GLMN: variants seen among roughly 807,000 people sequenced by gnomAD.
The protein encoded by GLMN is glomulin, FKBP associated protein.
Under a neutral mutation model 87.8 loss-of-function variants are expected in GLMN, and 75 were observed. That is an observed-to-expected ratio of 0.85 (90% CI 0.71 to 1.04). The LOEUF is 1.04. Among genes scored for constraint, GLMN ranks in the 50% least tolerant of loss-of-function variants. The probability of loss-of-function intolerance (pLI) is 0.00; values close to 1 mark genes in which losing one functional copy is unlikely to be tolerated. For missense variants in GLMN, 588 were observed against 658.8 expected, an observed-to-expected ratio of 0.89 and a Z score of 1.18; for synonymous variants, 206 against 221.6, an observed-to-expected ratio of 0.93 and a Z score of 0.63.
chr1:92,282,876 G>C (rs1648249120), intron 7 of GLMN, among the ~76,000 whole-genome samples: 1 of 152,158 alleles, frequency 6.6e-6, no homozygotes, highest in African/African-American at 2.4e-5. Flanking sequence ...AGAAAATCTA[G>C]AAGAAATGGG....
chr1:92,341,166 G>A, the GLMN span, among the ~76,000 whole-genome samples: 1 of 151,824 alleles, frequency 6.6e-6, no homozygotes, highest in East Asian at 1.9e-4. Flanking sequence ...ACACCAGCAT[G>A]CCCCGCCAAT....
the GLMN span, among the ~76,000 whole-genome samples, chr1:92,367,729 C>T: frequency 1.2e-4 from 19 of 152,164 alleles, no homozygotes; most frequent in Non-Finnish European, 2.6e-4. Flanking sequence ...AACCCCAAAC[C>T]ATAGAGAAGC....
At chr1:92,351,264 G>A in the GLMN span, among the ~76,000 whole-genome samples, 8 of 130,652 alleles carry the variant, frequency 6.1e-5, no homozygotes, top group South Asian at 2.4e-4. Context: ...CCAAGATTGC[G>A]CCACTGCACT....
chr1:92,252,113 C>T (rs1328431621), intron 16 of GLMN, among the ~76,000 whole-genome samples: 1 of 152,190 alleles, frequency 6.6e-6, no homozygotes, highest in Non-Finnish European at 1.5e-5. Context: ...TACAAATATA[C>T]AATTAAGCTT....
At chr1:92,361,119 A>G in the GLMN span, among the ~76,000 whole-genome samples, 2 of 4,516 alleles carry the variant, frequency 4.4e-4, no homozygotes, top group Non-Finnish European at 7.5e-4. Context: ...ACACACACAT[A>G]TATATATATA....
intron 16 of GLMN, among the ~76,000 whole-genome samples, chr1:92,251,387 T>C (rs937172424): frequency 6.6e-6 from 1 of 151,282 alleles, no homozygotes; most frequent in African/African-American, 2.5e-5. Context: ...ACAAATAGTG[T>C]TGAGGTCAAA....
chr1:92,322,136 G>C, the GLMN span, among the ~76,000 whole-genome samples: 1 of 151,168 alleles, frequency 6.6e-6, no homozygotes, highest in Admixed American at 6.6e-5. Context: ...AGTAGAGACA[G>C]GGTTTCACTA....
At chr1:92,351,723 CAT>C in the GLMN span, among the ~76,000 whole-genome samples, 2 of 152,278 alleles carry the variant, frequency 1.3e-5, no homozygotes, top group African/African-American at 2.4e-5. Flanking sequence ...AAAGAGAAGA[CAT>C]ATAGAAGGCT....
chr1:92,333,195 G>A, the GLMN span: 1 of 523,138 alleles, frequency 1.9e-6, no homozygotes, highest in Non-Finnish European at 3.4e-6. Flanking sequence ...TCCAAAGAGG[G>A]CAAATGACTC....
chr1:92,273,571 G>A (rs1383857570), intron 7 of GLMN, among the ~76,000 whole-genome samples: 2 of 150,470 alleles, frequency 1.3e-5, no homozygotes, highest in Non-Finnish European at 3.0e-5. Context: ...TCAGTCTCCT[G>A]AGTAGCTAGG....
the GLMN span, among the ~76,000 whole-genome samples, chr1:92,318,389 C>T: frequency 6.6e-6 from 1 of 152,230 alleles, no homozygotes; most frequent in African/African-American, 2.4e-5. Flanking sequence ...CACTTAGTTA[C>T]ATATAGATTT....
the GLMN span, chr1:92,333,450 C>T: frequency 2.3e-5 from 37 of 1,613,198 alleles, no homozygotes; most frequent in East Asian, 5.4e-4. Context: ...GAAAACGCAT[C>T]GTACTTGAAA....
chr1:92,300,391 C>A, upstream of GLMN: 3 of 642,438 alleles, frequency 4.7e-6, no homozygotes, highest in South Asian at 6.0e-5. Context: ...TAAATTCTCA[C>A]ATAGACTGTT....
At chr1:92,357,059 C>G in the GLMN span, among the ~76,000 whole-genome samples, 2 of 148,282 alleles carry the variant, frequency 1.3e-5, no homozygotes. Context: ...GAGCAAGACT[C>G]TGTCTCAAAA....
intron 8 of GLMN, among the ~76,000 whole-genome samples, chr1:92,270,437 TC>T (rs985420985): frequency 6.6e-6 from 1 of 152,196 alleles, no homozygotes; most frequent in Non-Finnish European, 1.5e-5. Context: ...GAGAGAATGC[TC>T]TATTTCACAG....
the GLMN span, chr1:92,304,082 A>G: frequency 6.3e-7 from 1 of 1,575,224 alleles, no homozygotes; most frequent in Non-Finnish European, 8.6e-7. Flanking sequence ...AATTGTAAGT[A>G]ACTCATTTTT....
chr1:92,277,009 T>G (rs979287174), intron 7 of GLMN, among the ~76,000 whole-genome samples: 2 of 152,154 alleles, frequency 1.3e-5, no homozygotes, highest in African/African-American at 4.8e-5. Flanking sequence ...ATTGGCACCT[T>G]CATCTGCCCA....
At chr1:92,260,907 T>G (rs1221354122) in intron 16 of GLMN, among the ~76,000 whole-genome samples, 1 of 152,054 alleles carries the variant, frequency 6.6e-6, no homozygotes, top group African/African-American at 2.4e-5. Flanking sequence ...TGCTCTCAGG[T>G]CTTCCCTCTC....
At chr1:92,329,623 T>A in the GLMN span, among the ~76,000 whole-genome samples, 2,595 of 152,336 alleles carry the variant, frequency 0.017, 40 homozygotes, top group Non-Finnish European at 0.023. Context: ...AGTCTCCACA[T>A]GCCGCTCTGT....
Sources: gnomAD v4.1 joint callset for allele counts (sites outside exome capture counted in the v4.1 genomes callset) on GRCh38, gnomAD v4.1.1 for gene constraint, MANE v1.5 for transcripts, NCBI Gene and HGNC (gene_info 2026-07-23, HGNC 2026-07-21) for gene names.